Variants in MYO16 observed in about 807,000 individuals in gnomAD.
MYO16 encodes the protein myosin XVI.
In MYO16, 94 loss-of-function variants were observed where a neutral mutation model predicts 205.3. The ratio of observed to expected loss-of-function variants is 0.46; its 90% CI spans 0.39 to 0.54. The LOEUF (loss-of-function observed/expected upper bound fraction) is 0.54. MYO16 is among the 20% of genes least tolerant of loss of function. The probability of loss-of-function intolerance (pLI) is 0.00; values close to 1 mark genes in which losing one functional copy is unlikely to be tolerated. For missense variants in MYO16, 2,315 were observed against 2,387.5 expected (o/e 0.97, Z 0.63); for synonymous variants, 988 against 954.0 (o/e 1.04, Z -0.66).
intron 10 of MYO16, among the ~76,000 whole-genome samples, chr13:108,851,448 T>C (rs1877859886): frequency 6.6e-6 from 1 of 152,166 alleles, no homozygotes; most frequent in Admixed American, 6.5e-5. Flanking sequence ...CATAATGACT[T>C]TTGCCACAAG....
At chr13:108,742,418 A>G (rs1884939347) in intron 4 of MYO16, among the ~76,000 whole-genome samples, 1 of 152,176 alleles carries the variant, frequency 6.6e-6, no homozygotes, top group Middle Eastern at 3.2e-3. Flanking sequence ...ATATGTACTC[A>G]GTTATATGAT....
intron 27 of MYO16, among the ~76,000 whole-genome samples, chr13:109,087,074 A>G (rs1888454769): frequency 6.6e-6 from 1 of 152,240 alleles, no homozygotes; most frequent in South Asian, 2.1e-4. Flanking sequence ...AATTCAGTTC[A>G]GATGCCAAAC....
intron 34 of MYO16, among the ~76,000 whole-genome samples, chr13:109,189,102 T>C (rs1165415464): frequency 1.4e-5 from 2 of 145,192 alleles, no homozygotes; most frequent in African/African-American, 2.6e-5. Flanking sequence ...CTAAAAAAAA[T>C]GAAAAAAAAA....
chr13:109,087,848 A>G (rs965818446), intron 27 of MYO16, among the ~76,000 whole-genome samples: 4 of 152,328 alleles, frequency 2.6e-5, no homozygotes, highest in Middle Eastern at 3.4e-3. Flanking sequence ...TGCTTTAGGA[A>G]TGGGATAATT....
At chr13:108,558,395 G>A in the MYO16 span, among the ~76,000 whole-genome samples, 2 of 152,170 alleles carry the variant, frequency 1.3e-5, no homozygotes, top group Non-Finnish European at 2.9e-5. Flanking sequence ...GCTTCCTTAG[G>A]TCTGCTTTGA....
Position 108,987,124 on chromosome 13 carries a change from T to C in MYO16, c.2370-5252T>C, listed in dbSNP as rs78808641. On this transcript the variant is annotated intron_variant, in intron 20 of 34. Coordinates refer to ENST00000457511, the MANE Select transcript of MYO16 (RefSeq NM_001198950.3). ...CGCAAGGGGTCCGCAGTTCTGTACT[T>C]CCTAACATATATTTCTGTGGGGAAA... is the stretch of plus-strand genomic sequence containing the variant. 5.3e-3 allele frequency among the ~76,000 whole-genome samples: 814 copies of C among 152,308 alleles called. 12 individuals carry two copies. The highest frequency in any genetic ancestry group is 0.019 in the African/African-American group (775 of 41,566).
the MYO16 span, among the ~76,000 whole-genome samples, chr13:108,517,591 T>TTGAAATTGAA: frequency 6.6e-6 from 1 of 152,234 alleles, no homozygotes; most frequent in Admixed American, 6.5e-5. Flanking sequence ...AGATATACTA[T>TTGAAATTGAA]TGAAATTGAA....
intron 3 of MYO16, among the ~76,000 whole-genome samples, chr13:108,716,671 A>T (rs1329189901): frequency 6.6e-6 from 1 of 152,194 alleles, no homozygotes; most frequent in Non-Finnish European, 1.5e-5. Context: ...GGCGTCCCAC[A>T]TTACAGAGCC....
At chr13:108,611,712 T>C (rs1879176219) in intron 1 of MYO16, among the ~76,000 whole-genome samples, 1 of 152,126 alleles carries the variant, frequency 6.6e-6, no homozygotes, top group African/African-American at 2.4e-5. Context: ...AGTTTAATGG[T>C]CTTCTGACCC....
At chr13:109,028,821 C>T (rs966957183) in intron 23 of MYO16, among the ~76,000 whole-genome samples, 4 of 151,456 alleles carry the variant, frequency 2.6e-5, no homozygotes, top group African/African-American at 9.7e-5. Flanking sequence ...CAGACCTTTA[C>T]GGGAATCACA....
Position 108,702,095 on chromosome 13 carries a change from G to A in MYO16, c.293-10566G>A, listed in dbSNP as rs556284883. ...ACCAAGTGTACCAATGTACATAATG[G>A]AGTCACAGATGAGAGGAGAAAGACA... On this transcript the variant is annotated intron_variant, in intron 2 of 34. Transcript: ENST00000457511. Among the ~76,000 whole-genome samples, 3 of 152,256 alleles carry A rather than the reference G, an allele frequency of 2.0e-5. No individual in the cohort carries two copies. The East Asian group carries it at 5.8e-4, about 29-fold the overall frequency.
chr13:108,820,471 G>T, intron 8 of MYO16, 59 bp downstream of exon 8: 1 of 1,371,654 alleles, frequency 7.3e-7, no homozygotes, highest in South Asian at 1.2e-5. Flanking sequence ...TTTCATATTG[G>T]AGTAGCCATC....
intron 33 of MYO16, among the ~76,000 whole-genome samples, chr13:109,176,498 C>T (rs1322565225): frequency 2.3e-5 from 3 of 130,244 alleles, no homozygotes; most frequent in Admixed American, 8.7e-5. Context: ...ATGGTTTGTG[C>T]GTTTGGTGTC....
chr13:108,548,448 G>C, the MYO16 span, among the ~76,000 whole-genome samples: 1 of 151,034 alleles, frequency 6.6e-6, no homozygotes, highest in African/African-American at 2.5e-5. Flanking sequence ...GGTGAGAATG[G>C]TGGTGGTGGT....
chr13:109,164,590 A>G (rs569110289), intron 32 of MYO16, among the ~76,000 whole-genome samples: 1 of 152,346 alleles, frequency 6.6e-6, no homozygotes, highest in African/African-American at 2.4e-5. Context: ...CTGAAACATG[A>G]ACTCATTGCT....
chr13:108,739,303 C>T (rs918300870), intron 4 of MYO16, among the ~76,000 whole-genome samples: 44 of 151,986 alleles, frequency 2.9e-4, no homozygotes, highest in Non-Finnish European at 5.1e-4. Flanking sequence ...TTTAGTGTTT[C>T]CTTCAGGAGC....
Position 108,962,435 on chromosome 13 carries a change from T to C in MYO16, c.2167T>C (p.Leu723=). ...TGATTTAATTTTAGTGGCTGGAATG[T>C]TACAAGTATCAACAGATGAATTGGC... ...LQLLEQVAGM[L]QVSTDELASA... is the part of the protein sequence containing the mutation. Residue 723 remains leucine, a synonymous_variant, in exon 19 of 35, where the codon TTA becomes CTA. Transcript: ENST00000457511. The C allele has an allele frequency of 6.2e-7, 1 of 1,603,242 alleles. No individual in the cohort carries two copies. Among genetic ancestry groups the C allele is most frequent in the Non-Finnish European group, 8.5e-7 (1 of 1,176,868 alleles).
intron 20 of MYO16, among the ~76,000 whole-genome samples, chr13:108,972,251 A>ATC (rs1266075451): frequency 1.3e-4 from 1 of 7,930 alleles, no homozygotes; most frequent in African/African-American, 4.8e-4. Context: ...CTCTCTCTCT[A>ATC]TATATATATA....
At chr13:108,828,872 G>A (rs1876439019) in intron 9 of MYO16, among the ~76,000 whole-genome samples, 1 of 152,134 alleles carries the variant, frequency 6.6e-6, no homozygotes, top group South Asian at 2.1e-4. Flanking sequence ...CCTTGGGGAG[G>A]GGGCTCAGAA....
Sources: gnomAD v4.1 joint callset for allele counts (sites outside exome capture counted in the v4.1 genomes callset) on GRCh38, gnomAD v4.1.1 for gene constraint, MANE v1.5 for transcripts, NCBI Gene and HGNC (gene_info 2026-07-23, HGNC 2026-07-21) for gene names.